The following CSMD3 variants were observed in gnomAD, a reference collection of about 807,000 sequenced individuals.
CSMD3 encodes the protein CUB and sushi domain-containing protein 3.
In CSMD3, 177 loss-of-function variants were observed where a neutral mutation model predicts 435.2. That is an observed-to-expected ratio of 0.41 (90% CI 0.36 to 0.46). CSMD3 has a LOEUF of 0.46. CSMD3 is among the 20% of genes least tolerant of loss of function. CSMD3 has a pLI of 0.34. For synonymous variants in CSMD3, 1,656 were observed against 1,520.5 expected (o/e 1.09, Z -2.07); for missense variants, 4,265 against 4,504.6 (o/e 0.95, Z 1.52).
chr8:113,170,630 T>C (rs567200839), intron 4 of CSMD3, among the ~76,000 whole-genome samples: 1 of 152,276 alleles, frequency 6.6e-6, no homozygotes, highest in Admixed American at 6.5e-5. Context: ...AAAGCAATCA[T>C]CATACATTAC....
intron 1 of CSMD3, among the ~76,000 whole-genome samples, chr8:113,365,246 TG>T (rs2094303796): frequency 6.6e-6 from 1 of 152,084 alleles, no homozygotes; most frequent in African/African-American, 2.4e-5. Flanking sequence ...AAAACTAAAC[TG>T]CTATTAAGGA....
At chr8:112,418,784 C>G (rs1375143434) in intron 32 of CSMD3, among the ~76,000 whole-genome samples, 1 of 152,084 alleles carries the variant, frequency 6.6e-6, no homozygotes, top group Non-Finnish European at 1.5e-5. Context: ...ATCCCTAATC[C>G]CAAAATCCCA....
At chr8:112,581,996 G>A (rs1406742186) in intron 23 of CSMD3, among the ~76,000 whole-genome samples, 1 of 152,036 alleles carries the variant, frequency 6.6e-6, no homozygotes, top group Non-Finnish European at 1.5e-5. Context: ...CTTGGTGTTA[G>A]AGCATGTGAT....
chr8:112,439,696 AAC>A (rs1382450651), intron 32 of CSMD3, among the ~76,000 whole-genome samples: 18 of 152,120 alleles, frequency 1.2e-4, no homozygotes, highest in Admixed American at 4.6e-4. Context: ...GGAGAAAGCA[AAC>A]ACATCTTTCT....
At chr8:112,703,634 CTG>C (rs1454098072) in intron 13 of CSMD3, among the ~76,000 whole-genome samples, 2 of 152,100 alleles carry the variant, frequency 1.3e-5, no homozygotes, top group African/African-American at 4.8e-5. Context: ...CACAGAGAAA[CTG>C]TGTAGGTTAA....
chr8:113,190,448 G>A (rs2092568185), intron 3 of CSMD3, among the ~76,000 whole-genome samples: 1 of 151,766 alleles, frequency 6.6e-6, no homozygotes, highest in Admixed American at 6.6e-5. Flanking sequence ...AGAATGCATG[G>A]AGAGTTGATG....
At chr8:112,989,017 T>A (rs2085352053) in intron 6 of CSMD3, among the ~76,000 whole-genome samples, 1 of 152,082 alleles carries the variant, frequency 6.6e-6, no homozygotes, top group African/African-American at 2.4e-5. Flanking sequence ...TTATTCATTC[T>A]TCCAGAATTT....
At chr8:112,229,011 CA>C in intron 69 of CSMD3, 120 bp from the exon 70 acceptor site, 1 of 651,232 alleles carries the variant, frequency 1.5e-6, no homozygotes, top group Non-Finnish European at 2.6e-6. Flanking sequence ...ACATAGTAAA[CA>C]AAAATAATTC....
At chr8:113,124,473 T>G (rs2131647614) in intron 4 of CSMD3, among the ~76,000 whole-genome samples, 1 of 119,874 alleles carries the variant, frequency 8.3e-6, no homozygotes, top group South Asian at 2.9e-4. Flanking sequence ...ATTTCTTAAA[T>G]AAACCTTGTG....
chr8:112,361,779 T>G (rs1827266394), intron 38 of CSMD3, among the ~76,000 whole-genome samples: 2 of 151,190 alleles, frequency 1.3e-5, no homozygotes, highest in Admixed American at 6.6e-5. Flanking sequence ...TATGTATCTA[T>G]TTATTGAAAA....
At chr8:113,121,048 G>C (rs2090970991) in intron 4 of CSMD3, among the ~76,000 whole-genome samples, 1 of 151,998 alleles carries the variant, frequency 6.6e-6, no homozygotes, top group Non-Finnish European at 1.5e-5. Flanking sequence ...TGATGTCCGT[G>C]GGCTCTTTTA....
At chr8:113,172,141 C>T (rs1385068818) in intron 4 of CSMD3, among the ~76,000 whole-genome samples, 1 of 152,162 alleles carries the variant, frequency 6.6e-6, no homozygotes, top group Admixed American at 6.5e-5. Flanking sequence ...TTATTTCTGA[C>T]TCAACAGTCT....
chr8:112,301,107 A>C (rs1820879706), intron 53 of CSMD3, among the ~76,000 whole-genome samples: 1 of 152,074 alleles, frequency 6.6e-6, no homozygotes. Flanking sequence ...AGAGAAAACA[A>C]AGCATAAATA....
chr8:113,091,819 A>C (rs2090013385), intron 5 of CSMD3, among the ~76,000 whole-genome samples: 1 of 150,986 alleles, frequency 6.6e-6, no homozygotes, highest in Admixed American at 6.6e-5. Flanking sequence ...TTTTCTATTA[A>C]TTTTGAGTTT....
intron 5 of CSMD3, among the ~76,000 whole-genome samples, chr8:113,085,273 A>G (rs1421368643): frequency 6.6e-6 from 1 of 152,062 alleles, no homozygotes; most frequent in Non-Finnish European, 1.5e-5. Context: ...ATTCAGTTAA[A>G]AGGGGGGCAA....
chr8:112,681,392 T>C (rs1188847123), intron 16 of CSMD3, among the ~76,000 whole-genome samples: 1 of 152,048 alleles, frequency 6.6e-6, no homozygotes, highest in East Asian at 1.9e-4. Flanking sequence ...TATTATTAGA[T>C]ACTATAGTGG....
chr8:112,735,704 G>C (rs1361658672), intron 13 of CSMD3, among the ~76,000 whole-genome samples: 1 of 151,930 alleles, frequency 6.6e-6, no homozygotes, highest in Admixed American at 6.6e-5. Context: ...GGTCTTTCAG[G>C]TCAATATCAT....
At chr8:112,870,583 G>A (rs985270989) in intron 10 of CSMD3, among the ~76,000 whole-genome samples, 1 of 151,884 alleles carries the variant, frequency 6.6e-6, no homozygotes, top group Non-Finnish European at 1.5e-5. Flanking sequence ...GCCCAGAATG[G>A]CTATTTTTAA....
intron 22 of CSMD3, among the ~76,000 whole-genome samples, chr8:112,598,965 A>T (rs1334891546): frequency 6.6e-6 from 1 of 151,130 alleles, no homozygotes; most frequent in African/African-American, 2.4e-5. Context: ...ATGGGCAAGG[A>T]CTTCATGTCC....
Sources: gnomAD v4.1 joint callset for allele counts (sites outside exome capture counted in the v4.1 genomes callset) on GRCh38, gnomAD v4.1.1 for gene constraint, MANE v1.5 for transcripts, NCBI Gene and HGNC (gene_info 2026-07-23, HGNC 2026-07-21) for gene names.